CCSER2: variants seen among roughly 807,000 people sequenced by gnomAD.
CCSER2 encodes the protein coiled-coil serine rich protein 2, also known as serine-rich coiled-coil domain-containing protein 2.
Under a neutral mutation model 92.3 loss-of-function variants are expected in CCSER2, and 46 were observed. The ratio of observed to expected loss-of-function variants is 0.50; its 90% CI spans 0.39 to 0.64. The LOEUF is 0.64. CCSER2 is among the 30% of genes least tolerant of loss of function. The probability of loss-of-function intolerance (pLI) is 0.00; values close to 1 mark genes in which losing one functional copy is unlikely to be tolerated. For synonymous variants in CCSER2, 433 were observed against 431.4 expected, an observed-to-expected ratio of 1.00 and a Z score of -0.04; for missense variants, 1,244 against 1,238.9, an observed-to-expected ratio of 1.00 and a Z score of -0.06.
At chr10:84,334,972 G>A (rs1233698332) in intron 1 of CCSER2, among the ~76,000 whole-genome samples, 1 of 152,128 alleles carries the variant, frequency 6.6e-6, no homozygotes, top group African/African-American at 2.4e-5. Context: ...CTTTGTTATG[G>A]TAGTTGTTAC....
At chr10:84,374,020 T>C (rs1181205035) in intron 3 of CCSER2, 3 of 1,120,682 alleles carry the variant, frequency 2.7e-6, no homozygotes, top group Admixed American at 5.7e-5. Flanking sequence ...TTAAATATAC[T>C]CAACATGTTT....
intron 3 of CCSER2, among the ~76,000 whole-genome samples, chr10:84,378,048 C>G (rs1037985741): frequency 6.6e-6 from 1 of 152,086 alleles, no homozygotes; most frequent in Non-Finnish European, 1.5e-5. Context: ...CAGCGCTTGC[C>G]CTATTACACA....
rs186051333 is a variant in CCSER2, at chr10:84,439,049, G to A, written c.2064+342G>A. ...GGCTAATCCAATGCCTGAAACATAGGCATTCAGTATTCAGTGGGCTGCTAC... is the reference window on the plus strand; with the variant it reads ...GGCTAATCCAATGCCTGAAACATAGACATTCAGTATTCAGTGGGCTGCTAC... On this transcript the variant is annotated intron_variant, in intron 6 of 9. Coordinates refer to ENST00000372088, the MANE Select transcript of CCSER2 (RefSeq NM_001284240.2). 3.6e-3 allele frequency among the ~76,000 whole-genome samples: 550 copies of A among 152,234 alleles called. 1 individual carries two copies. The highest frequency in any genetic ancestry group is 5.1e-3 in the Non-Finnish European group (350 of 68,012).
At chr10:84,490,245 T>C (rs1369462377) in intron 9 of CCSER2, among the ~76,000 whole-genome samples, 4 of 152,222 alleles carry the variant, frequency 2.6e-5, no homozygotes, top group Non-Finnish European at 5.9e-5. Flanking sequence ...GAGGATTATC[T>C]TTGCGGCGTT....
intron 9 of CCSER2, among the ~76,000 whole-genome samples, chr10:84,509,984 TC>T (rs2131875854): frequency 6.6e-6 from 1 of 152,310 alleles, no homozygotes; most frequent in African/African-American, 2.4e-5. Flanking sequence ...CTGGTTACAT[TC>T]CTCACTGGTT....
intron 6 of CCSER2, among the ~76,000 whole-genome samples, chr10:84,453,981 G>T (rs1444555221): frequency 2.6e-5 from 4 of 151,770 alleles, no homozygotes; most frequent in Non-Finnish European, 5.9e-5. Flanking sequence ...GCTGTTTTTT[G>T]ATCAAATCTT....
At chr10:84,347,862 G>A (rs1170570599) in intron 1 of CCSER2, among the ~76,000 whole-genome samples, 3 of 151,644 alleles carry the variant, frequency 2.0e-5, no homozygotes, top group East Asian at 2.0e-4. Flanking sequence ...ACGGGGCGGC[G>A]GGGCAGAGGT....
At chr10:84,472,512 C>T (rs985868056) in intron 8 of CCSER2, among the ~76,000 whole-genome samples, 1 of 152,156 alleles carries the variant, frequency 6.6e-6, no homozygotes, top group Non-Finnish European at 1.5e-5. Context: ...GCAGAGGTTG[C>T]AGTGAGCCAA....
At position 84,438,434 on chromosome 10, in the gene CCSER2, A is replaced by G. The variant is rs946653652; in HGVS notation, c.1869-78A>G. ...ATAAGTGATTTGTAATAATCACTGC[A>G]ATAATTTCATTATCTTTATTTCTTT... On this transcript the variant is annotated intron_variant, in intron 5 of 9. Transcript: ENST00000372088. The G allele has an allele frequency of 3.6e-6, 3 of 824,332 alleles. No homozygotes were observed. In the African/African-American group the frequency reaches 5.1e-5, roughly 14 times the overall value. 51.1% of individuals were successfully genotyped at this position (824,332 alleles called of 1,614,324 possible). A position where few individuals can be genotyped will look rare whatever the true frequency, so the allele number is the denominator to read the frequency against.
At chr10:84,450,388 A>G (rs1198831322) in intron 6 of CCSER2, among the ~76,000 whole-genome samples, 1 of 152,218 alleles carries the variant, frequency 6.6e-6, no homozygotes, top group Non-Finnish European at 1.5e-5. Context: ...TGAGAGAAAT[A>G]TATGTATATC....
At chr10:84,355,247 C>G (rs570238953) in intron 1 of CCSER2, among the ~76,000 whole-genome samples, 1 of 152,250 alleles carries the variant, frequency 6.6e-6, no homozygotes, top group African/African-American at 2.4e-5. Flanking sequence ...ATAAGCCACT[C>G]TGTAGGCTGT....
In CCSER2 at chr10:84,455,771, C is replaced by T. The variant is rs1000380040; in HGVS notation, c.2065-8162C>T. 4 of 1,115,034 alleles carry T rather than the reference C, an allele frequency of 3.6e-6. No individual in the cohort carries two copies. The African/African-American group carries it at 4.6e-5, about 13-fold the overall frequency. 69.1% of individuals were successfully genotyped at this position (1,115,034 alleles called of 1,614,324 possible). A position where few individuals can be genotyped will look rare whatever the true frequency, so the allele number is the denominator to read the frequency against. On this transcript the variant is annotated intron_variant, in intron 6 of 9. Transcript: ENST00000372088. ...ATTCTCAGAGGGAACTTGATGAACT[C>T]CAGTTAAGGTAATGTAGATTTTCAC...
At chr10:84,383,731 A>G (rs1841041951) in intron 3 of CCSER2, among the ~76,000 whole-genome samples, 1 of 152,198 alleles carries the variant, frequency 6.6e-6, no homozygotes, top group Non-Finnish European at 1.5e-5. Flanking sequence ...AACTGTTTTC[A>G]TTAAACTCTG....
chr10:84,374,774 T>C (rs1846241039), intron 3 of CCSER2, among the ~76,000 whole-genome samples: 1 of 152,212 alleles, frequency 6.6e-6, no homozygotes, highest in Non-Finnish European at 1.5e-5. Flanking sequence ...ATTGCAGTTA[T>C]TCAGTATATA....
chr10:84,509,974 C>T (rs1849267111), intron 9 of CCSER2, among the ~76,000 whole-genome samples: 1 of 152,184 alleles, frequency 6.6e-6, no homozygotes, highest in Admixed American at 6.5e-5. Flanking sequence ...TTCGTCCCCA[C>T]TGGTTACATT....
At chr10:84,489,204 T>G (rs1026393330) in intron 9 of CCSER2, among the ~76,000 whole-genome samples, 8 of 152,230 alleles carry the variant, frequency 5.3e-5, no homozygotes, top group Non-Finnish European at 8.8e-5. Context: ...CTGAGAAGAA[T>G]GTATAGTCTG....
intron 1 of CCSER2, among the ~76,000 whole-genome samples, chr10:84,332,644 T>C (rs2132965193): frequency 6.6e-6 from 1 of 151,462 alleles, no homozygotes; most frequent in Middle Eastern, 3.4e-3. Flanking sequence ...ATCCCTATAT[T>C]ATATATTTTT....
chr10:84,336,267 G>A (rs1404141858), intron 1 of CCSER2, among the ~76,000 whole-genome samples: 1 of 152,118 alleles, frequency 6.6e-6, no homozygotes, highest in Non-Finnish European at 1.5e-5. Flanking sequence ...AATGTATTCC[G>A]AGCACTTGCT....
intron 3 of CCSER2, among the ~76,000 whole-genome samples, chr10:84,387,678 G>A (rs1195695150): frequency 1.3e-5 from 2 of 150,236 alleles, no homozygotes; most frequent in Non-Finnish European, 3.0e-5. Flanking sequence ...CCAGGCGTCC[G>A]CCACTACGCC....
Sources: allele counts gnomAD v4.1 joint callset (sites outside exome capture counted in the v4.1 genomes callset), GRCh38; gene constraint gnomAD v4.1.1; transcripts MANE v1.5; gene names NCBI Gene and HGNC (gene_info 2026-07-23, HGNC 2026-07-21).